Variants in GDAP2 observed in about 807,000 individuals in gnomAD.
GDAP2 encodes ganglioside induced differentiation associated protein 2.
A neutral mutation model predicts 67.0 loss-of-function variants in GDAP2; 51 were observed. The ratio of observed to expected loss-of-function variants is 0.76; its 90% CI spans 0.61 to 0.96. The LOEUF is 0.96. Ranked by LOEUF, GDAP2 falls within the 40% of genes least tolerant of loss-of-function variation. The pLI is 0.00. For missense variants in GDAP2, 547 were observed against 588.3 expected, an observed-to-expected ratio of 0.93 and a Z score of 0.73; for synonymous variants, 203 against 207.3, an observed-to-expected ratio of 0.98 and a Z score of 0.18.
At chr1:117,906,426 G>C in intron 6 of GDAP2, 80 bp downstream of exon 6, 1 of 740,206 alleles carries the variant, frequency 1.4e-6, no homozygotes, top group South Asian at 1.7e-5. Flanking sequence ...TGGAAACTCA[G>C]TAAATATGTA....
At chr1:117,878,297 AATC>A in intron 12 of GDAP2, 145 bp from the exon 13 acceptor site, 1 of 548,634 alleles carries the variant, frequency 1.8e-6, no homozygotes, top group African/African-American at 1.9e-5. Flanking sequence ...TGAATTTTGC[AATC>A]ATCAGTTTAG....
chr1:117,866,617 G>A lies in GDAP2; in HGVS notation c.*3952C>T, dbSNP rs1450596670. ...TGCCTGTAATCTGGCACTTTGAGAA[G>A]CCAAGGTGGGCAGATCACCTGAGGT... is the stretch of plus-strand genomic sequence containing the variant. On this transcript the variant is annotated 3_prime_UTR_variant, in exon 14 of 14. Transcript: ENST00000369443. 6.6e-6 allele frequency: 1 copy of A among 152,180 alleles called. No individual in the cohort carries two copies. The highest frequency in any genetic ancestry group is 1.9e-4 in the East Asian group (1 of 5,192). The allele number at this position is 152,180 out of a possible 1,614,324, so 9.4% of individuals were successfully genotyped here.
chr1:117,901,811 C>T (rs1649480925), intron 6 of GDAP2, among the ~76,000 whole-genome samples: 1 of 152,160 alleles, frequency 6.6e-6, no homozygotes, highest in Admixed American at 6.5e-5. Context: ...ATATGCCAAC[C>T]AACCAATCCC....
intron 12 of GDAP2, 89 bp downstream of exon 12, chr1:117,881,734 A>G: frequency 1.3e-6 from 1 of 769,378 alleles, no homozygotes; most frequent in African/African-American, 1.7e-5. Context: ...TGGTGACAGC[A>G]ACAATTAAGT....
intron 6 of GDAP2, among the ~76,000 whole-genome samples, chr1:117,904,031 C>T (rs1649573750): frequency 6.6e-6 from 1 of 151,352 alleles, no homozygotes; most frequent in Admixed American, 6.6e-5. Flanking sequence ...TCTGTCACCC[C>T]GACTAAAGTC....
At position 117,866,907 on chromosome 1, in the gene GDAP2, T is replaced by A. The variant is rs550293970; in HGVS notation, c.*3662A>T. The stretch of plus-strand genomic sequence containing the variant: ...AAAAAGAAAAAGAAACCTAACTAAC[T>A]CCAGTTTTCAAGGTGTTTTTATATT... On this transcript the variant is annotated 3_prime_UTR_variant, in exon 14 of 14. Coordinates refer to ENST00000369443, the MANE Select transcript of GDAP2 (RefSeq NM_017686.4). 1.3e-5 allele frequency: 2 copies of A among 149,978 alleles called. No homozygotes were observed. Among genetic ancestry groups the A allele is most frequent in the African/African-American group, 4.9e-5 (2 of 40,616 alleles). 9.3% of individuals were successfully genotyped at this position (149,978 alleles called of 1,614,324 possible). A position where few individuals can be genotyped will look rare whatever the true frequency, so the allele number is the denominator to read the frequency against.
chr1:117,888,133 C>T (rs1466991873), intron 8 of GDAP2, among the ~76,000 whole-genome samples: 2 of 152,116 alleles, frequency 1.3e-5, no homozygotes, highest in Non-Finnish European at 2.9e-5. Context: ...AAAGCAATGG[C>T]AGAGTTTCAA....
intron 8 of GDAP2, among the ~76,000 whole-genome samples, chr1:117,893,557 A>G (rs947869311): frequency 5.9e-5 from 9 of 152,214 alleles, no homozygotes; most frequent in African/African-American, 2.2e-4. Context: ...TTACTTTTAC[A>G]TTTGTTCAAC....
rs1300779445 is a variant in GDAP2, at chr1:117,867,039, T to G, written c.*3530A>C. On this transcript the variant is annotated 3_prime_UTR_variant, in exon 14 of 14. Coordinates refer to ENST00000369443, the MANE Select transcript of GDAP2 (RefSeq NM_017686.4). ...ATTCTAATCATTTCTGTGCATATAT[T>G]AAGCAATTTAAACTCTATATACATA... is the stretch of plus-strand genomic sequence containing the variant. The G allele has an allele frequency of 2.6e-5, 4 of 152,182 alleles. No individual in the cohort carries two copies. Among genetic ancestry groups the G allele is most frequent in the African/African-American group, 9.7e-5 (4 of 41,436 alleles). The allele number at this position is 152,182 out of a possible 1,614,324, so 9.4% of individuals were successfully genotyped here.
chr1:117,920,443 A>T lies in GDAP2; in HGVS notation c.-67-19T>A. 1 of 812,552 alleles carries T rather than the reference A, an allele frequency of 1.2e-6. No individual in the cohort carries two copies. Among genetic ancestry groups the T allele is most frequent in the Non-Finnish European group, 2.0e-6 (1 of 505,628 alleles). The allele number at this position is 812,552 out of a possible 1,614,324, so 50.3% of individuals were successfully genotyped here. On this transcript the variant is annotated intron_variant, in intron 1 of 13. Transcript: ENST00000369443. ...ACTTTAGCTTTAAGAGAAAAGAAAG[A>T]ATCACTTTAATAGAGAAGCACAGAT...
In GDAP2 at chr1:117,886,165, A is replaced by T. The variant is rs144570232; in HGVS notation, c.1107+412T>A. Among the ~76,000 whole-genome samples the T allele has an allele frequency of 4.7e-4, 71 of 152,274 alleles. No individual in the cohort carries two copies. The East Asian group carries it at 0.013, about 27-fold the overall frequency. On this transcript the variant is annotated intron_variant, in intron 10 of 13. Transcript: ENST00000369443. ...ATCTATTTCTGTTCTTTGCCTCCAA[A>T]TGAAGGGATTATAGAATTATGCTAT... is the stretch of plus-strand genomic sequence containing the variant.
Position 117,896,968 on chromosome 1 carries a change from T to C in GDAP2, c.818A>G (p.Glu273Gly), listed in dbSNP as rs1320679019. The C allele has an allele frequency of 6.2e-7, 1 of 1,606,766 alleles. No homozygotes were observed. The highest frequency in any genetic ancestry group is 8.5e-7 in the Non-Finnish European group (1 of 1,176,052). ...GAAAGAGAGATCAACTCCCAAGCCTTCATCCTCCTCTTCTTGGTTATCTGT... is the reference window on the plus strand; with the variant it reads ...GAAAGAGAGATCAACTCCCAAGCCTCCATCCTCCTCTTCTTGGTTATCTGT... ...APEDNQEEEDEGLGVDLSFIG... is the reference protein window; with the variant it reads ...APEDNQEEEDGGLGVDLSFIG... The change falls in exon 8 of 14, where the codon GAA (glutamate) becomes GGA (glycine). Residue 273 changes from glutamate (E) to glycine (G), a missense_variant. Transcript: ENST00000369443.
In GDAP2 at chr1:117,864,971, T is replaced by A. The variant is rs1648011581; in HGVS notation, c.*5598A>T. On this transcript the variant is annotated 3_prime_UTR_variant, in exon 14 of 14. Coordinates refer to ENST00000369443, the MANE Select transcript of GDAP2 (RefSeq NM_017686.4). ...GAGAAAATCTGGAAGCTAAATGCAG[T>A]CTATACTCTTTTACTCTAACTATGG... The A allele has an allele frequency of 2.0e-5, 3 of 152,204 alleles. No homozygotes were observed. The South Asian group carries it at 6.2e-4, about 31-fold the overall frequency. 9.4% of individuals were successfully genotyped at this position (152,204 alleles called of 1,614,324 possible). A position where few individuals can be genotyped will look rare whatever the true frequency, so the allele number is the denominator to read the frequency against.
intron 1 of GDAP2, among the ~76,000 whole-genome samples, chr1:117,928,617 T>C (rs557851272): frequency 1.6e-4 from 25 of 152,234 alleles, no homozygotes; most frequent in Non-Finnish European, 2.5e-4. Flanking sequence ...TACGCATTCT[T>C]TGCTATTGCA....
Position 117,865,854 on chromosome 1 carries a change from T to C in GDAP2, c.*4715A>G, listed in dbSNP as rs1219882052. The C allele has an allele frequency of 6.6e-6, 1 of 152,196 alleles. No homozygotes were observed. The highest frequency in any genetic ancestry group is 1.9e-4 in the East Asian group (1 of 5,190). The allele number at this position is 152,196 out of a possible 1,614,324, so 9.4% of individuals were successfully genotyped here. ...AATATCTAAAATGATCTTGATACCA[T>C]CTGTTTAAGGACTAGTTCAGTAAGA... On this transcript the variant is annotated 3_prime_UTR_variant, in exon 14 of 14. Transcript: ENST00000369443.
intron 8 of GDAP2, among the ~76,000 whole-genome samples, chr1:117,889,524 T>C (rs141941068): frequency 8.0e-4 from 122 of 152,170 alleles, no homozygotes; most frequent in African/African-American, 2.9e-3. Context: ...TTTTTCTGAG[T>C]TCAGTTTTTT....
rs918527000 is a variant in GDAP2 at position 117,906,423 on chromosome 1, T to C, written c.636+83A>G. ...TCATTAGGATTTGTCTGCTGGAAAC[T>C]CAGTAAATATGTAGTGACAAGCCAA... is the stretch of plus-strand genomic sequence containing the variant. On this transcript the variant is annotated intron_variant, in intron 6 of 13. Transcript: ENST00000369443. The C allele has an allele frequency of 7.2e-5, 52 of 721,326 alleles. No individual in the cohort carries two copies. The African/African-American group carries it at 7.6e-4, about 11-fold the overall frequency. The allele number at this position is 721,326 out of a possible 1,614,324, so 44.7% of individuals were successfully genotyped here.
intron 8 of GDAP2, among the ~76,000 whole-genome samples, chr1:117,890,592 G>T (rs1186268352): frequency 6.6e-6 from 1 of 151,954 alleles, no homozygotes; most frequent in Non-Finnish European, 1.5e-5. Flanking sequence ...GAAGTAATAA[G>T]CACCCTAAAA....
At chr1:117,916,243 A>G (rs763379902) in intron 3 of GDAP2, among the ~76,000 whole-genome samples, 6 of 152,236 alleles carry the variant, frequency 3.9e-5, no homozygotes, top group African/African-American at 7.2e-5. Flanking sequence ...GATACAAGCC[A>G]AGACTTAAGA....
Sources: gnomAD v4.1 joint callset for allele counts (sites outside exome capture counted in the v4.1 genomes callset) on GRCh38, gnomAD v4.1.1 for gene constraint, MANE v1.5 for transcripts, NCBI Gene and HGNC (gene_info 2026-07-23, HGNC 2026-07-21) for gene names.